CLUH: variants seen among roughly 807,000 people sequenced by gnomAD.
CLUH encodes the protein CLUH binding protein of NUMT mRNA, also known as clustered mitochondria protein homolog.
A neutral mutation model predicts 139.3 loss-of-function variants in CLUH; 77 were observed. That is an observed-to-expected ratio of 0.55 (90% CI 0.46 to 0.67). CLUH has a LOEUF of 0.67. Ranked by LOEUF, CLUH falls within the 30% of genes least tolerant of loss-of-function variation. The pLI is 0.00. For synonymous variants in CLUH, 999 were observed against 801.6 expected (o/e 1.25, Z -4.16); for missense variants, 1,876 against 1,875.8 (o/e 1.00, Z 0.00).
At position 2,703,573 on chromosome 17, in the gene CLUH, G is replaced by A. The variant is rs954680710; in HGVS notation, c.304-84C>T. On this transcript the variant is annotated intron_variant, in intron 2 of 25. Coordinates refer to ENST00000651024, the MANE Select transcript of CLUH (RefSeq NM_001366661.1). This position sits in a 1 kb window ranked among gnomAD's most constrained non-coding sequence, Gnocchi z 4.2. Reference sequence around the variant, plus strand: ...CCCAACCGCCCCGGTGAGAGGCCACGTAGCGGACAGCAAGGACAATATCCC... The same window carrying A: ...CCCAACCGCCCCGGTGAGAGGCCACATAGCGGACAGCAAGGACAATATCCC... 25 of 1,377,396 alleles carry A rather than the reference G, an allele frequency of 1.8e-5. No individual in the cohort carries two copies. Among genetic ancestry groups the A allele is most frequent in the Middle Eastern group, 2.2e-4 (1 of 4,630 alleles). The allele number at this position is 1,377,396 out of a possible 1,614,324, so 85.3% of individuals were successfully genotyped here. A position where few individuals can be genotyped will look rare whatever the true frequency, so the allele number is the denominator to read the frequency against.
Position 2,700,785 on chromosome 17 carries a change from G to A in CLUH, c.1066C>T (p.Gln356Ter). The change falls in exon 8 of 26, where the codon CAG (glutamine) becomes TAG (stop). Residue 356 changes from glutamine to a stop codon, truncating the protein, a stop_gained. Transcript: ENST00000651024. LOFTEE classifies it high-confidence loss of function. ...HPFERIATPF[Q>*]VYSWTAPQAE... ...TGGGGGGCTGTCCAGCTGTACACCT[G>A]GAATGGGGTGGCGATCCTCTCGAAC... 6.5e-7 allele frequency: 1 copy of A among 1,534,384 alleles called. No individual in the cohort carries two copies. Among genetic ancestry groups the A allele is most frequent in the Non-Finnish European group, 8.7e-7 (1 of 1,146,458 alleles).
intron 1 of CLUH, chr17:2,711,253 C>G (rs1199172673): frequency 6.6e-6 from 1 of 152,198 alleles, no homozygotes; most frequent in Non-Finnish European, 1.5e-5. Context: ...CCGATTCTTT[C>G]GGTCTGCGGC....
chr17:2,695,550 C>T (rs2069906387), intron 13 of CLUH, 24 bp from the exon 14 acceptor site: 1 of 1,566,196 alleles, frequency 6.4e-7, no homozygotes, highest in Non-Finnish European at 8.6e-7. Flanking sequence ...CAGCTCAGGC[C>T]CCCACCCAGC....
At position 2,690,335 on chromosome 17, in the gene CLUH, C is replaced by A. The variant is rs926876636; in HGVS notation, c.*259G>T. ...GGGGGCCGAAGCAACACCTGCCCCC[C>A]AGCCGGGAACTGATGGCCGCACACG... On this transcript the variant is annotated 3_prime_UTR_variant, in exon 26 of 26. Coordinates refer to ENST00000651024, the MANE Select transcript of CLUH (RefSeq NM_001366661.1). The A allele has an allele frequency of 1.2e-5, 5 of 406,476 alleles. No homozygotes were observed. The highest frequency in any genetic ancestry group is 1.7e-5 in the Non-Finnish European group (4 of 230,566). The allele number at this position is 406,476 out of a possible 1,614,324, so 25.2% of individuals were successfully genotyped here.
At chr17:2,702,203 CAT>C in intron 3 of CLUH, 146 bp from the exon 4 acceptor site, 2 of 958,148 alleles carry the variant, frequency 2.1e-6, no homozygotes, top group South Asian at 3.4e-5. Context: ...ACTGTGAACA[CAT>C]AAGCTGGAGT....
chr17:2,694,301 G>A (rs1358413284), intron 17 of CLUH, 25 bp from the exon 18 acceptor site: 4 of 1,565,566 alleles, frequency 2.6e-6, no homozygotes, highest in African/African-American at 1.3e-5. Context: ...CCCCACCACA[G>A]GAAGCCTCAG....
At chr17:2,694,807 G>A (rs751851761) in intron 16 of CLUH, 50 bp downstream of exon 16, 19 of 1,462,226 alleles carry the variant, frequency 1.3e-5, no homozygotes, top group South Asian at 8.7e-5. Context: ...GGTGGTGGCC[G>A]CCTCATCTGC....
chr17:2,690,122 TGGGCCCGGGGGTGGTG>T lies in CLUH; in HGVS notation c.*456_*471del, dbSNP rs1358531541. On this transcript the variant is annotated 3_prime_UTR_variant, in exon 26 of 26. Coordinates refer to ENST00000651024, the MANE Select transcript of CLUH (RefSeq NM_001366661.1). The stretch of plus-strand genomic sequence containing the variant: ...CTAAACCCTGAACTTTCAGACAGGC[TGGGCCCGGGGGTGGTG>T]GCAGCCAAAGCAGCAGCCATCATGT... The T allele has an allele frequency of 6.4e-6, 1 of 155,088 alleles. No homozygotes were observed. The highest frequency in any genetic ancestry group is 2.4e-5 in the African/African-American group (1 of 41,422). 9.6% of individuals were successfully genotyped at this position (155,088 alleles called of 1,614,324 possible). A position where few individuals can be genotyped will look rare whatever the true frequency, so the allele number is the denominator to read the frequency against.
Position 2,692,858 on chromosome 17 carries a change from G to A in CLUH, c.3234C>T (p.Ala1078=). ...GCACCGCCTTCTGCTGGTTACTCAG[G>A]GCCTGGGGAGAGACAGTGGTGGTTG... ...LHYIMGDYAE[A]LSNQQKAVLM... The change falls in exon 20 of 26, where the codon GCC becomes GCT. Residue 1078 remains alanine, a splice_region_variant and synonymous_variant. Transcript: ENST00000651024. 1 of 1,590,188 alleles carries A rather than the reference G, an allele frequency of 6.3e-7. No homozygotes were observed. The highest frequency in any genetic ancestry group is 8.6e-7 in the Non-Finnish European group (1 of 1,166,022).
In CLUH at chr17:2,690,588, C is replaced by T. The variant is rs1160295504; in HGVS notation, c.*6G>A. ...CCGCTGGCTGGCTGTCCGTCTGGCT[C>T]CCTCTCTATCCCTGCACGCTCGGAG... On this transcript the variant is annotated 3_prime_UTR_variant, in exon 26 of 26. Coordinates refer to ENST00000651024, the MANE Select transcript of CLUH (RefSeq NM_001366661.1). The T allele has an allele frequency of 1.4e-6, 2 of 1,449,230 alleles. No individual in the cohort carries two copies. Among genetic ancestry groups the T allele is most frequent in the Admixed American group, 2.8e-5 (1 of 35,904 alleles). 89.8% of individuals were successfully genotyped at this position (1,449,230 alleles called of 1,614,324 possible).
chr17:2,710,994 G>A (rs1056315170), intron 1 of CLUH: 7 of 152,488 alleles, frequency 4.6e-5, no homozygotes, highest in African/African-American at 9.6e-5. Context: ...AAGACCTGCG[G>A]TTATAGCCTG....
At chr17:2,709,174 G>A (rs2070440072) in intron 1 of CLUH, among the ~76,000 whole-genome samples, 2 of 152,112 alleles carry the variant, frequency 1.3e-5, no homozygotes, top group Admixed American at 6.5e-5. Flanking sequence ...TGCTGCCCAA[G>A]CCAGGCACAA....
At chr17:2,692,314 C>G (rs1237765076) in intron 22 of CLUH, 47 bp downstream of exon 22, 6 of 1,493,060 alleles carry the variant, frequency 4.0e-6, no homozygotes, top group Non-Finnish European at 5.3e-6. Flanking sequence ...CGCCGGCTGC[C>G]CCGCAGGCCT....
intron 16 of CLUH, 129 bp downstream of exon 16, chr17:2,694,728 C>T: frequency 7.2e-7 from 1 of 1,379,800 alleles, no homozygotes; most frequent in Non-Finnish European, 9.7e-7. Flanking sequence ...CAGTGATCTC[C>T]ACAGCTGCTC....
chr17:2,690,974 C>T (rs2069602278), intron 25 of CLUH, among the ~76,000 whole-genome samples, 197 bp from the exon 26 acceptor site: 2 of 152,082 alleles, frequency 1.3e-5, no homozygotes, highest in South Asian at 2.1e-4. Context: ...GACCCGGCCT[C>T]GGGGCTCCCC....
At position 2,703,070 on chromosome 17, in the gene CLUH, C is replaced by T. The variant is rs1418542297; in HGVS notation, c.475+248G>A. ...CCAACTCCTGACCTCAGGTGATCCA[C>T]ACGCCTTGGCCTCCCAAAGTGTTGG... On this transcript the variant is annotated intron_variant, in intron 3 of 25. Transcript: ENST00000651024. This position sits in a 1 kb window ranked among gnomAD's most constrained non-coding sequence, Gnocchi z 4.2. Among the ~76,000 whole-genome samples the T allele has an allele frequency of 6.6e-6, 1 of 152,254 alleles. No homozygotes were observed. The highest frequency in any genetic ancestry group is 2.4e-5 in the African/African-American group (1 of 41,472).
Position 2,695,411 on chromosome 17 carries a change from A to G in CLUH, c.2507T>C (p.Leu836Pro), listed in dbSNP as rs2069900409. The change falls in exon 14 of 26, where the codon CTG becomes CCG. Residue 836 changes from leucine to proline, a missense_variant. By Grantham distance (98) the Leu-to-Pro change is moderately conservative. This residue lies in a region of CLUH where 1,454 missense variants were observed against 1,384.4 expected (regional missense o/e 1.05). Coordinates refer to ENST00000651024, the MANE Select transcript of CLUH (RefSeq NM_001366661.1). ...RYLGKVLELV[L>P]RSPARHQLDH... Reference sequence around the variant, plus strand: ...CAGCTGGTGGCGGGCCGGGCTCCGCAGCACCAGCTCCAGCACCTTGCCCAG... The same window carrying G: ...CAGCTGGTGGCGGGCCGGGCTCCGCGGCACCAGCTCCAGCACCTTGCCCAG... 6.2e-7 allele frequency: 1 copy of G among 1,612,574 alleles called. No individual in the cohort carries two copies. Among genetic ancestry groups the G allele is most frequent in the Non-Finnish European group, 8.5e-7 (1 of 1,179,736 alleles).
intron 3 of CLUH, among the ~76,000 whole-genome samples, chr17:2,702,406 A>G (rs2070218752): frequency 6.6e-6 from 1 of 152,182 alleles, no homozygotes; most frequent in South Asian, 2.1e-4. Flanking sequence ...GGACTTCCAC[A>G]CCACAGCCTT....
rs1157595491 is a variant in CLUH at position 2,691,687 on chromosome 17, G to A, written c.3790-5C>T. ...GGCCATGCTGGGGGCCGTGAACTGCGGGGCGGGGAAACCAGCGGTGAGCGG... is the reference window on the plus strand; with the variant it reads ...GGCCATGCTGGGGGCCGTGAACTGCAGGGCGGGGAAACCAGCGGTGAGCGG... On this transcript the variant is annotated splice_region_variant and splice_polypyrimidine_tract_variant and intron_variant, in intron 24 of 25. Transcript: ENST00000651024. 6.2e-7 allele frequency: 1 copy of A among 1,611,816 alleles called. No individual in the cohort carries two copies. Among genetic ancestry groups the A allele is most frequent in the Non-Finnish European group, 8.5e-7 (1 of 1,179,012 alleles).
Sources: gnomAD v4.1 joint callset for allele counts (sites outside exome capture counted in the v4.1 genomes callset) on GRCh38, gnomAD v4.1.1 for gene constraint, gnomAD v4.1.1 regional missense constraint, Gnocchi (gnomAD v3.1) non-coding constraint, MANE v1.5 for transcripts, NCBI Gene and HGNC (gene_info 2026-07-23, HGNC 2026-07-21) for gene names.